Variants in CPO observed in about 807,000 individuals in gnomAD.
CPO encodes the protein metallocarboxypeptidase C.
A neutral mutation model predicts 41.2 loss-of-function variants in CPO; 43 were observed. The observed-to-expected ratio is 1.04, with a 90% confidence interval of 0.82 to 1.35. The LOEUF is 1.35. Among genes scored for constraint, CPO ranks in the 40% most tolerant of loss-of-function variants. CPO has a pLI of 0.00. For missense variants in CPO, 408 were observed against 451.7 expected, an observed-to-expected ratio of 0.90 and a Z score of 0.88; for synonymous variants, 178 against 162.7, an observed-to-expected ratio of 1.09 and a Z score of -0.72.
rs576204485 is a variant in CPO, at chr2:206,953,341, G to A, written c.166-2122G>A. Among the ~76,000 whole-genome samples the A allele has an allele frequency of 1.8e-4, 27 of 152,248 alleles. No individual in the cohort carries two copies. In the South Asian group the frequency reaches 5.6e-3, roughly 32 times the overall value. On this transcript the variant is annotated intron_variant, in intron 2 of 8. Coordinates refer to ENST00000272852, the MANE Select transcript of CPO (RefSeq NM_173077.3). ...AGATACAATGGGGGTACAGGCATTG[G>A]GTAAATACACCCATTCCAAATGCAA...
intron 7 of CPO, among the ~76,000 whole-genome samples, chr2:206,965,564 T>C (rs1693557390): frequency 6.6e-6 from 1 of 152,198 alleles, no homozygotes; most frequent in Non-Finnish European, 1.5e-5. Flanking sequence ...ATAAGAATTC[T>C]AATGTTTTAC....
At chr2:206,943,768 AGAT>A (rs1341349393) in intron 1 of CPO, among the ~76,000 whole-genome samples, 165 of 137,720 alleles carry the variant, frequency 1.2e-3, no homozygotes, top group African/African-American at 4.2e-3. Flanking sequence ...ATAGATAGAT[AGAT>A]AGATAGATGA....
At chr2:206,966,819 C>T (rs1456828338) in intron 7 of CPO, among the ~76,000 whole-genome samples, 1 of 152,204 alleles carries the variant, frequency 6.6e-6, no homozygotes, top group African/African-American at 2.4e-5. Context: ...GCCTTAAGAA[C>T]ACTGCCCACA....
chr2:206,954,913 T>C (rs535084302), intron 2 of CPO, among the ~76,000 whole-genome samples: 1 of 152,260 alleles, frequency 6.6e-6, no homozygotes, highest in South Asian at 2.1e-4. Context: ...TTATTCACTA[T>C]CATGAGAACA....
At chr2:206,955,920 TA>T (rs1693349506) in intron 3 of CPO, among the ~76,000 whole-genome samples, 1 of 152,222 alleles carries the variant, frequency 6.6e-6, no homozygotes, top group South Asian at 2.1e-4. Flanking sequence ...TTTTAAATTT[TA>T]AAATGTTCTT....
At chr2:206,953,269 C>A (rs1040382040) in intron 2 of CPO, among the ~76,000 whole-genome samples, 1 of 152,218 alleles carries the variant, frequency 6.6e-6, no homozygotes, top group Non-Finnish European at 1.5e-5. Context: ...AGGCAAGCCC[C>A]TTCCACCTAT....
At chr2:206,939,809 AC>A in intron 1 of CPO, 142 bp downstream of exon 1, 1 of 494,250 alleles carries the variant, frequency 2.0e-6, no homozygotes, top group East Asian at 3.4e-5. Context: ...AATAAAGACC[AC>A]TGAAATTTAT....
intron 7 of CPO, among the ~76,000 whole-genome samples, chr2:206,967,484 G>A (rs1470033251): frequency 6.6e-6 from 1 of 152,050 alleles, no homozygotes; most frequent in Non-Finnish European, 1.5e-5. Context: ...ATAGAATCCA[G>A]TTGGAGGGAT....
intron 2 of CPO, among the ~76,000 whole-genome samples, chr2:206,953,581 G>A (rs1468680766): frequency 6.6e-6 from 1 of 152,224 alleles, no homozygotes; most frequent in African/African-American, 2.4e-5. Flanking sequence ...TTCATAGGCT[G>A]GCATTGAGTG....
chr2:206,962,569 A>G lies in CPO; in HGVS notation c.732A>G (p.Thr244=). The G allele has an allele frequency of 1.2e-6, 2 of 1,614,116 alleles. No homozygotes were observed. The highest frequency in any genetic ancestry group is 4.5e-5 in the East Asian group (2 of 44,880). Reference sequence around the variant, plus strand: ...ACTCTTATGGGCAGTTAATTCTCACACCTTACGGCTACACCAAAAATAAAT... The same window carrying G: ...ACTCTTATGGGCAGTTAATTCTCACGCCTTACGGCTACACCAAAAATAAAT... The part of the protein sequence containing the change: ...TMHSYGQLIL[T]PYGYTKNKSS... Residue 244 remains threonine, a synonymous_variant, in exon 7 of 9, where the codon ACA becomes ACG. Coordinates refer to ENST00000272852, the MANE Select transcript of CPO (RefSeq NM_173077.3).
rs377662554 is a variant in CPO, at chr2:206,961,441, G to C, written c.574+499G>C. On this transcript the variant is annotated intron_variant, in intron 6 of 8. Transcript: ENST00000272852. ...ATGGGAAGGGTTAAAATTGAGACTT[G>C]GCAGCTGTGTGGTCTTGAAAAAATT... Among the ~76,000 whole-genome samples, 109 of 152,240 alleles carry C rather than the reference G, an allele frequency of 7.2e-4. 1 individual carries two copies. Among genetic ancestry groups the C allele is most frequent in the African/African-American group, 2.5e-3 (104 of 41,538 alleles).
rs183682749 is a variant in CPO at position 206,941,972 on chromosome 2, G to T, written c.68+2305G>T. On this transcript the variant is annotated intron_variant, in intron 1 of 8. Transcript: ENST00000272852. Reference sequence around the variant, plus strand: ...ATCTACTAATTCTTCTTTCTGGAACGTAGCTCAAGGAAACAATAAAAAATA... The same window carrying T: ...ATCTACTAATTCTTCTTTCTGGAACTTAGCTCAAGGAAACAATAAAAAATA... Among the ~76,000 whole-genome samples, 4 of 151,930 alleles carry T rather than the reference G, an allele frequency of 2.6e-5. No individual in the cohort carries two copies. In the East Asian group the frequency reaches 7.7e-4, roughly 29 times the overall value.
intron 1 of CPO, among the ~76,000 whole-genome samples, chr2:206,943,717 T>TGGATA (rs1559068356): frequency 2.6e-4 from 18 of 68,858 alleles, no homozygotes; most frequent in Non-Finnish European, 3.3e-5. Flanking sequence ...GATAGATAGA[T>TGGATA]GATGGATAGA....
chr2:206,955,695 A>G (rs1014172944), intron 3 of CPO, 131 bp downstream of exon 3: 5 of 651,606 alleles, frequency 7.7e-6, no homozygotes, highest in African/African-American at 1.8e-5. Context: ...TCCACCCCAA[A>G]TGGGGCTCTT....
chr2:206,964,077 G>A (rs1200207368), intron 7 of CPO, among the ~76,000 whole-genome samples: 1 of 152,106 alleles, frequency 6.6e-6, no homozygotes, highest in East Asian at 1.9e-4. Flanking sequence ...GGCTAAGCTT[G>A]CTCTGTTCTT....
intron 2 of CPO, among the ~76,000 whole-genome samples, chr2:206,950,248 A>T (rs1693226192): frequency 6.6e-6 from 1 of 152,248 alleles, no homozygotes; most frequent in South Asian, 2.1e-4. Flanking sequence ...TTTACAAGAA[A>T]AAACAAACAA....
intron 5 of CPO, among the ~76,000 whole-genome samples, chr2:206,960,394 T>C (rs182147189): frequency 3.4e-4 from 52 of 152,304 alleles, no homozygotes; most frequent in Non-Finnish European, 5.7e-4. Flanking sequence ...ACACTTGTCT[T>C]TATTCCCATC....
At chr2:206,954,102 G>C (rs190992919) in intron 2 of CPO, among the ~76,000 whole-genome samples, 1 of 152,194 alleles carries the variant, frequency 6.6e-6, no homozygotes, top group Non-Finnish European at 1.5e-5. Context: ...AGGGGCTGCT[G>C]TGAAGGTCTC....
intron 7 of CPO, among the ~76,000 whole-genome samples, chr2:206,964,326 CAT>C (rs1204844080): frequency 1.3e-5 from 2 of 152,164 alleles, no homozygotes; most frequent in African/African-American, 4.8e-5. Flanking sequence ...CATTTTGTAA[CAT>C]GTGGAAATAA....
Sources: gnomAD v4.1 joint callset for allele counts (sites outside exome capture counted in the v4.1 genomes callset) on GRCh38, gnomAD v4.1.1 for gene constraint, MANE v1.5 for transcripts, NCBI Gene and HGNC (gene_info 2026-07-23, HGNC 2026-07-21) for gene names.